Variants in XPO4 observed in about 807,000 individuals in gnomAD.
The protein encoded by XPO4 is exportin 4.
In XPO4, 39 loss-of-function variants were observed where a neutral mutation model predicts 143.0. The observed-to-expected ratio is 0.27, with a 90% confidence interval of 0.21 to 0.36. The LOEUF (loss-of-function observed/expected upper bound fraction) is 0.36, where lower values mean the gene tolerates loss of function less well. XPO4 is among the 10% of genes least tolerant of loss of function. The probability of loss-of-function intolerance (pLI) is 1.00; values close to 1 mark genes in which losing one functional copy is unlikely to be tolerated. For synonymous variants in XPO4, 439 were observed against 474.0 expected (o/e 0.93, Z 0.96); for missense variants, 907 against 1,348.0 (o/e 0.67, Z 5.12).
intron 9 of XPO4, among the ~76,000 whole-genome samples, chr13:20,813,189 C>A (rs920902528): frequency 6.6e-6 from 1 of 152,058 alleles, no homozygotes; most frequent in African/African-American, 2.4e-5. Flanking sequence ...TCCAATCACC[C>A]CCCACCAGGT....
intron 1 of XPO4, among the ~76,000 whole-genome samples, chr13:20,871,156 G>A (rs765156842): frequency 6.6e-6 from 1 of 151,958 alleles, no homozygotes; most frequent in South Asian, 2.1e-4. Flanking sequence ...TCAACAAGAT[G>A]AGTTTGTGGG....
At position 20,786,979 on chromosome 13, in the gene XPO4, C is replaced by T; in HGVS notation, c.3244G>A (p.Val1082Met). 1 of 1,558,034 alleles carries T rather than the reference C, an allele frequency of 6.4e-7. No homozygotes were observed. Residue 1082 changes from valine to methionine, a missense_variant, in exon 22 of 23, where the codon GTG becomes ATG. Coordinates refer to ENST00000255305, the MANE Select transcript of XPO4 (RefSeq NM_022459.5). ...ATGTCCAGTACCTGGTGCAAACACA[C>T]CAACGTGTAGAAAGCTTCGCCAGCC... ...TAAGEAFYTL[V>M]CLHQAEYSEL...
At chr13:20,784,525 T>C (rs1014259947) in intron 22 of XPO4, among the ~76,000 whole-genome samples, 10 of 152,204 alleles carry the variant, frequency 6.6e-5, no homozygotes, top group South Asian at 4.1e-4. Context: ...AAGAGGACTT[T>C]AGTAAATATA....
chr13:20,808,677 T>A, intron 11 of XPO4, 96 bp from the exon 12 acceptor site: 1 of 1,116,516 alleles, frequency 9.0e-7, no homozygotes, highest in Non-Finnish European at 1.2e-6. Context: ...GAATTGAATG[T>A]TAGCGTAAAA....
Position 20,783,506 on chromosome 13 carries a change from C to T in XPO4, c.*216G>A, listed in dbSNP as rs566480683. ...AAATCACCATTCAGAATCTAAAAGA[C>T]ATATATATGACAGATTGTGGCTAAC... On this transcript the variant is annotated 3_prime_UTR_variant, in exon 23 of 23. Transcript: ENST00000255305. 14 of 570,988 alleles carry T rather than the reference C, an allele frequency of 2.5e-5. No homozygotes were observed. The highest frequency in any genetic ancestry group is 3.7e-5 in the Non-Finnish European group (12 of 321,914). The allele number at this position is 570,988 out of a possible 1,614,324, so 35.4% of individuals were successfully genotyped here.
At position 20,887,635 on chromosome 13, in the gene XPO4, G is replaced by A. The variant is rs140220556; in HGVS notation, c.69+15035C>T. Reference sequence around the variant, plus strand: ...TTTGGGAGGCTGAGGCTGGTGGATCGCTTGAAGTCAGGAGTTTGAGACCAG... The same window carrying A: ...TTTGGGAGGCTGAGGCTGGTGGATCACTTGAAGTCAGGAGTTTGAGACCAG... On this transcript the variant is annotated intron_variant, in intron 1 of 22. Coordinates refer to ENST00000255305, the MANE Select transcript of XPO4 (RefSeq NM_022459.5). Among the ~76,000 whole-genome samples, 229 of 151,568 alleles carry A rather than the reference G, an allele frequency of 1.5e-3. 4 individuals carry two copies. The East Asian group carries it at 0.042, about 28-fold the overall frequency.
chr13:20,789,660 G>C (rs954079937), intron 19 of XPO4, among the ~76,000 whole-genome samples: 1 of 151,338 alleles, frequency 6.6e-6, no homozygotes, highest in Non-Finnish European at 1.5e-5. Flanking sequence ...CACCCACCTC[G>C]GCCTCCAAAA....
intron 2 of XPO4, among the ~76,000 whole-genome samples, chr13:20,868,180 A>ATAT (rs1461152166): frequency 6.6e-4 from 100 of 151,890 alleles, no homozygotes; most frequent in Non-Finnish European, 1.3e-3. Flanking sequence ...AAAAAAAAAA[A>ATAT]AACTATGGAA....
At position 20,901,640 on chromosome 13, in the gene XPO4, G is replaced by A. The variant is rs374330371; in HGVS notation, c.69+1030C>T. On this transcript the variant is annotated intron_variant, in intron 1 of 22. Transcript: ENST00000255305. Reference sequence around the variant, plus strand: ...GATTTCTAAAGAAACAAAAATATCTGGTGTAAAATATTAGAACTACAAACT... The same window carrying A: ...GATTTCTAAAGAAACAAAAATATCTAGTGTAAAATATTAGAACTACAAACT... Among the ~76,000 whole-genome samples, 3 of 152,164 alleles carry A rather than the reference G, an allele frequency of 2.0e-5. No individual in the cohort carries two copies. In the East Asian group the frequency reaches 5.8e-4, roughly 29 times the overall value.
chr13:20,781,637 C>G lies in XPO4; in HGVS notation c.*2085G>C, dbSNP rs1358841014. The G allele has an allele frequency of 6.6e-6, 1 of 152,226 alleles. No individual in the cohort carries two copies. The highest frequency in any genetic ancestry group is 2.4e-5 in the African/African-American group (1 of 41,420). The allele number at this position is 152,226 out of a possible 1,614,324, so 9.4% of individuals were successfully genotyped here. A position where few individuals can be genotyped will look rare whatever the true frequency, so the allele number is the denominator to read the frequency against. ...GTTATTAAATATAGATGCCTTTTTA[C>G]TTACCAAGGCATTCCTTTCCCACTC... On this transcript the variant is annotated 3_prime_UTR_variant, in exon 23 of 23. Transcript: ENST00000255305.
chr13:20,779,486 C>T lies in XPO4; in HGVS notation c.*4236G>A, dbSNP rs983628542. The T allele has an allele frequency of 6.6e-6, 1 of 151,602 alleles. No homozygotes were observed. The highest frequency in any genetic ancestry group is 2.4e-5 in the African/African-American group (1 of 40,958). The allele number at this position is 151,602 out of a possible 1,614,324, so 9.4% of individuals were successfully genotyped here. A position where few individuals can be genotyped will look rare whatever the true frequency, so the allele number is the denominator to read the frequency against. ...CAGACGGGGAGAAAAAAAACCAAAA[C>T]CAAAAAAAAAGACACCTCTCCAATT... On this transcript the variant is annotated 3_prime_UTR_variant, in exon 23 of 23. Transcript: ENST00000255305.
intron 19 of XPO4, among the ~76,000 whole-genome samples, chr13:20,789,566 TTG>T (rs536564978): frequency 1.3e-5 from 2 of 150,446 alleles, no homozygotes; most frequent in Non-Finnish European, 3.0e-5. Flanking sequence ...GGCTTTTTTT[TTG>T]TGTGTGTGTG....
rs1484871146 is a variant in XPO4 at position 20,803,137 on chromosome 13, G to T, written c.1818-2147C>A. On this transcript the variant is annotated intron_variant, in intron 13 of 22. Transcript: ENST00000255305. This position sits in a 1 kb window ranked among gnomAD's most constrained non-coding sequence, Gnocchi z 4.1. ...AAATCGCAGAGTACCCCAATTATTT[G>T]AATTTCTTCCAAGTTATACACCAAA... Among the ~76,000 whole-genome samples the T allele has an allele frequency of 6.6e-6, 1 of 152,074 alleles. No homozygotes were observed. Among genetic ancestry groups the T allele is most frequent in the Non-Finnish European group, 1.5e-5 (1 of 68,020 alleles).
intron 1 of XPO4, among the ~76,000 whole-genome samples, chr13:20,873,068 G>C (rs2060316167): frequency 1.4e-5 from 2 of 148,092 alleles, no homozygotes. Flanking sequence ...ATAGGAGGTG[G>C]TAGTAGAGAC....
At chr13:20,825,708 C>T (rs1358305075) in intron 7 of XPO4, among the ~76,000 whole-genome samples, 5 of 152,086 alleles carry the variant, frequency 3.3e-5, no homozygotes, top group Non-Finnish European at 5.9e-5. Flanking sequence ...GACTTGGATT[C>T]GTATCAAAAC....
At chr13:20,831,585 AAAAT>A (rs1386291235) in intron 6 of XPO4, among the ~76,000 whole-genome samples, 1 of 152,146 alleles carries the variant, frequency 6.6e-6, no homozygotes, top group Non-Finnish European at 1.5e-5. Flanking sequence ...ATATTTTTCT[AAAAT>A]AAATACTGAA....
intron 1 of XPO4, among the ~76,000 whole-genome samples, chr13:20,870,089 C>CAAAAAAAAAAAAAAAAA (rs59710121): frequency 1.9e-4 from 19 of 98,898 alleles, no homozygotes; most frequent in African/African-American, 8.1e-4. Context: ...GAAGGAGTCT[C>CAAAAAAAAAAAAAAAAA]AAAAAAAAAA....
At position 20,796,272 on chromosome 13, in the gene XPO4, A is replaced by T. The variant is rs777393629; in HGVS notation, c.2617-16T>A. ...TAGCTTTGGACTGAAAAAAAAAAAA[A>T]TGCACAAATTATGCTACTTGGTACA... On this transcript the variant is annotated splice_polypyrimidine_tract_variant and intron_variant, in intron 17 of 22. Coordinates refer to ENST00000255305, the MANE Select transcript of XPO4 (RefSeq NM_022459.5). The T allele has an allele frequency of 6.5e-6, 10 of 1,536,012 alleles. No individual in the cohort carries two copies. In the East Asian group the frequency reaches 2.0e-4, roughly 31 times the overall value.
chr13:20,808,648 T>C, intron 11 of XPO4, 67 bp from the exon 12 acceptor site: 2 of 1,332,592 alleles, frequency 1.5e-6, no homozygotes, highest in South Asian at 3.7e-5. Flanking sequence ...ACTTACAACT[T>C]CCATATATTA....
Sources: gnomAD v4.1 joint callset for allele counts (sites outside exome capture counted in the v4.1 genomes callset) on GRCh38, gnomAD v4.1.1 for gene constraint, Gnocchi (gnomAD v3.1) non-coding constraint, MANE v1.5 for transcripts, NCBI Gene and HGNC (gene_info 2026-07-23, HGNC 2026-07-21) for gene names.